Variants in NFIA observed in about 807,000 individuals in gnomAD.
The protein encoded by NFIA is nuclear factor 1 A-type.
Under a neutral mutation model 62.8 loss-of-function variants are expected in NFIA, and 8 were observed. The ratio of observed to expected loss-of-function variants is 0.13; its 90% confidence interval spans 0.07 to 0.23. NFIA has a LOEUF of 0.23. Among genes scored for constraint, NFIA ranks in the 10% least tolerant of loss-of-function variants. The probability of loss-of-function intolerance (pLI) is 1.00; values close to 1 mark genes in which losing one functional copy is unlikely to be tolerated. For synonymous variants in NFIA, 235 were observed against 238.1 expected, an observed-to-expected ratio of 0.99 and a Z score of 0.12; for missense variants, 410 against 642.1, an observed-to-expected ratio of 0.64 and a Z score of 3.91.
chr1:61,387,135 A>G (rs191132220), intron 7 of NFIA, among the ~76,000 whole-genome samples: 20 of 152,288 alleles, frequency 1.3e-4, no homozygotes, highest in Non-Finnish European at 2.4e-4. Context: ...CATTCAGCCT[A>G]TAGCAGTGGT....
chr1:61,399,358 G>A (rs1199385648), intron 7 of NFIA, among the ~76,000 whole-genome samples: 1 of 152,136 alleles, frequency 6.6e-6, no homozygotes, highest in African/African-American at 2.4e-5. Flanking sequence ...TTTATTGTTT[G>A]TGTTGCTCTC....
At chr1:61,291,403 A>T (rs1044220527) in intron 3 of NFIA, among the ~76,000 whole-genome samples, 5 of 152,210 alleles carry the variant, frequency 3.3e-5, no homozygotes, top group Admixed American at 6.5e-5. Context: ...AATCACATGT[A>T]AGTGTGTAGA....
chr1:61,265,314 A>G (rs1657089150), intron 2 of NFIA, among the ~76,000 whole-genome samples: 1 of 152,226 alleles, frequency 6.6e-6, no homozygotes, highest in African/African-American at 2.4e-5. Context: ...ATAACTTAGC[A>G]CTGCATATGT....
At chr1:61,351,004 A>T (rs560897794) in intron 4 of NFIA, among the ~76,000 whole-genome samples, 1 of 152,340 alleles carries the variant, frequency 6.6e-6, no homozygotes, top group African/African-American at 2.4e-5. Flanking sequence ...GATGGTGGGA[A>T]AGTGACATGT....
intron 2 of NFIA, chr1:61,132,887 G>A (rs1199697574): frequency 2.6e-5 from 4 of 152,304 alleles, no homozygotes; most frequent in Admixed American, 6.5e-5. Context: ...CTACCACTGC[G>A]TTAATTTCCT....
At chr1:61,270,793 A>G (rs563967947) in intron 2 of NFIA, among the ~76,000 whole-genome samples, 1 of 152,288 alleles carries the variant, frequency 6.6e-6, no homozygotes, top group East Asian at 1.9e-4. Context: ...TTTACATGGG[A>G]GTGGGTAGGT....
intron 2 of NFIA, among the ~76,000 whole-genome samples, chr1:61,111,849 A>G (rs1039247372): frequency 1.3e-5 from 2 of 152,146 alleles, no homozygotes; most frequent in East Asian, 1.9e-4. Context: ...AAAACCAAAA[A>G]TGATGGTATT....
chr1:61,238,952 T>A (rs1655169339), intron 2 of NFIA, among the ~76,000 whole-genome samples: 1 of 152,214 alleles, frequency 6.6e-6, no homozygotes, highest in Admixed American at 6.5e-5. Flanking sequence ...GTTGGGGGAA[T>A]TTCTTTTCCA....
intron 2 of NFIA, among the ~76,000 whole-genome samples, chr1:61,174,334 C>G (rs1650178613): frequency 6.6e-6 from 1 of 152,180 alleles, no homozygotes. Context: ...GTTACCTGCT[C>G]CGAAAGCTGC....
intron 3 of NFIA, among the ~76,000 whole-genome samples, chr1:61,286,119 C>G (rs1223811681): frequency 2.0e-5 from 3 of 152,242 alleles, no homozygotes; most frequent in Non-Finnish European, 2.9e-5. Flanking sequence ...AGTAATTTAA[C>G]AGATCATTCT....
At chr1:61,454,894 C>T (rs1668231631) in intron 10 of NFIA, among the ~76,000 whole-genome samples, 1 of 152,200 alleles carries the variant, frequency 6.6e-6, no homozygotes, top group Non-Finnish European at 1.5e-5. Flanking sequence ...ACCCATTCTC[C>T]ATTCATTCAA....
chr1:61,383,720 G>A (rs937123463), intron 7 of NFIA, among the ~76,000 whole-genome samples: 3 of 152,350 alleles, frequency 2.0e-5, no homozygotes, highest in East Asian at 1.9e-4. Context: ...GCACATGCGC[G>A]TGCACACATG....
intron 2 of NFIA, among the ~76,000 whole-genome samples, chr1:61,146,410 C>A (rs1647985345): frequency 6.6e-6 from 1 of 152,140 alleles, no homozygotes; most frequent in Non-Finnish European, 1.5e-5. Flanking sequence ...TGCTAAGGAG[C>A]AGGTTTTATT....
chr1:61,342,925 A>G lies in NFIA; in HGVS notation c.701-9525A>G, dbSNP rs374454327. On this transcript the variant is annotated intron_variant, in intron 4 of 10. Coordinates refer to ENST00000403491, the MANE Select transcript of NFIA (RefSeq NM_001134673.4). The stretch of plus-strand genomic sequence containing the variant: ...TTTCTCATTTCTAAATGAGAATAAT[A>G]TAAATACATATTCCATAGGGATAAT... Among the ~76,000 whole-genome samples the G allele has an allele frequency of 1.2e-3, 188 of 152,362 alleles. 1 individual carries two copies. Among genetic ancestry groups the G allele is most frequent in the African/African-American group, 4.2e-3 (174 of 41,580 alleles).
At chr1:61,287,001 G>A (rs939661934) in intron 3 of NFIA, among the ~76,000 whole-genome samples, 3 of 152,310 alleles carry the variant, frequency 2.0e-5, no homozygotes, top group South Asian at 2.1e-4. Context: ...GAGAATAGTT[G>A]CAGATGAGTA....
At chr1:61,077,402 G>A (rs1330276336), upstream of NFIA, 4 of 408,208 alleles carry the variant, frequency 9.8e-6, no homozygotes, top group Non-Finnish European at 1.7e-5. Flanking sequence ...GTGAGAGAGG[G>A]AGAGAGCGCG....
intron 10 of NFIA, among the ~76,000 whole-genome samples, chr1:61,432,849 A>G (rs1667165381): frequency 6.6e-6 from 1 of 152,028 alleles, no homozygotes; most frequent in African/African-American, 2.4e-5. Flanking sequence ...TATTGGCCAA[A>G]TGAATATTCT....
At chr1:61,204,052 T>C (rs1652721656) in intron 2 of NFIA, among the ~76,000 whole-genome samples, 1 of 152,240 alleles carries the variant, frequency 6.6e-6, no homozygotes, top group Admixed American at 6.5e-5. Context: ...CTTCCGTTTC[T>C]GTAAATTCCG....
chr1:61,358,912 G>A (rs1663130791), intron 5 of NFIA, among the ~76,000 whole-genome samples: 1 of 152,164 alleles, frequency 6.6e-6, no homozygotes, highest in Admixed American at 6.5e-5. Flanking sequence ...TGTGGCAGCA[G>A]CAGCAACTTG....
Sources: gnomAD v4.1 joint callset for allele counts (sites outside exome capture counted in the v4.1 genomes callset) on GRCh38, gnomAD v4.1.1 for gene constraint, MANE v1.5 for transcripts, NCBI Gene and HGNC (gene_info 2026-07-23, HGNC 2026-07-21) for gene names.